The following OR2L13 variants were observed in gnomAD, a reference collection of about 807,000 sequenced individuals.
OR2L13 encodes the protein olfactory receptor 2L13.
OR2L13 carries 14 observed loss-of-function variants against 15.3 expected under a neutral mutation model. The ratio of observed to expected loss-of-function variants is 0.91; its 90% confidence interval spans 0.60 to 1.43. OR2L13 has a LOEUF of 1.43. Among genes scored for constraint, OR2L13 ranks in the 40% most tolerant of loss-of-function variants. The pLI, the probability that OR2L13 is intolerant of heterozygous loss-of-function variation, is 0.00. For missense variants in OR2L13, 367 were observed against 387.9 expected (o/e 0.95, Z 0.45); for synonymous variants, 152 against 142.9 (o/e 1.06, Z -0.45).
the OR2L13 span, among the ~76,000 whole-genome samples, chr1:248,086,162 T>A: frequency 6.6e-6 from 1 of 152,232 alleles, no homozygotes; most frequent in Non-Finnish European, 1.5e-5. Flanking sequence ...TTTTCATATA[T>A]TCAGAAGCTT....
the OR2L13 span, among the ~76,000 whole-genome samples, chr1:247,966,560 T>TA: frequency 6.6e-6 from 1 of 152,188 alleles, no homozygotes; most frequent in East Asian, 1.9e-4. Flanking sequence ...TAAAATCTAC[T>TA]TAAACATTTA....
the OR2L13 span, among the ~76,000 whole-genome samples, chr1:247,994,036 A>G: frequency 2.0e-5 from 3 of 152,120 alleles, no homozygotes; most frequent in Non-Finnish European, 4.4e-5. Context: ...ATTTTGTGGC[A>G]TGGAGCTTTC....
At chr1:247,952,228 G>A in the OR2L13 span, among the ~76,000 whole-genome samples, 1 of 152,170 alleles carries the variant, frequency 6.6e-6, no homozygotes, top group Non-Finnish European at 1.5e-5. Context: ...ATGCCCGTGA[G>A]GCCAGTCCTG....
At chr1:248,077,424 C>T in the OR2L13 span, among the ~76,000 whole-genome samples, 3 of 152,268 alleles carry the variant, frequency 2.0e-5, no homozygotes, top group African/African-American at 7.2e-5. Context: ...ATGGTACCAG[C>T]TCCTCTTTGT....
the OR2L13 span, among the ~76,000 whole-genome samples, chr1:248,067,298 A>C: frequency 6.6e-6 from 1 of 152,194 alleles, no homozygotes; most frequent in East Asian, 1.9e-4. Flanking sequence ...TAATAAACTG[A>C]TTTGTTAGAA....
chr1:248,022,994 T>G, the OR2L13 span: 1 of 1,026,234 alleles, frequency 9.7e-7, no homozygotes. Context: ...CAGAGATTAA[T>G]CCAGAATGTT....
chr1:247,972,545 C>T, the OR2L13 span, among the ~76,000 whole-genome samples: 1 of 152,266 alleles, frequency 6.6e-6, no homozygotes, highest in African/African-American at 2.4e-5. Context: ...GACACATACA[C>T]TCTCTCAAGA....
At chr1:248,003,248 G>A in the OR2L13 span, 1 of 1,566,066 alleles carries the variant, frequency 6.4e-7, no homozygotes, top group Non-Finnish European at 8.8e-7. Context: ...GGCTCTAATT[G>A]GAAACCTATC....
the OR2L13 span, among the ~76,000 whole-genome samples, chr1:247,983,838 C>T: frequency 3.9e-5 from 6 of 152,216 alleles, no homozygotes; most frequent in Admixed American, 6.5e-5. Context: ...CCAAGCTTAG[C>T]TGAGGGGAAG....
chr1:247,971,782 A>G, the OR2L13 span, among the ~76,000 whole-genome samples: 2 of 152,202 alleles, frequency 1.3e-5, no homozygotes, highest in African/African-American at 4.8e-5. Flanking sequence ...ATAGACATCT[A>G]CAGAACTCTC....
At chr1:248,039,077 C>A in the OR2L13 span, 60 of 1,613,964 alleles carry the variant, frequency 3.7e-5, no homozygotes, top group Non-Finnish European at 4.9e-5. Flanking sequence ...CAACAGAGGA[C>A]AAGATTCTGG....
intron 1 of OR2L13, among the ~76,000 whole-genome samples, chr1:248,098,209 T>C (rs1046273252): frequency 6.6e-6 from 1 of 152,222 alleles, no homozygotes. Context: ...TGTTGGTCTA[T>C]TGTTTGTATA....
chr1:248,029,890 A>G, the OR2L13 span, among the ~76,000 whole-genome samples: 1 of 152,196 alleles, frequency 6.6e-6, no homozygotes, highest in Non-Finnish European at 1.5e-5. Context: ...AAACATCTAA[A>G]TACATAATCA....
the OR2L13 span, chr1:248,023,170 G>T: frequency 4.3e-6 from 1 of 230,488 alleles, no homozygotes; most frequent in East Asian, 8.8e-5. Context: ...ATGTCCAAAG[G>T]AATCATATCA....
At chr1:248,074,384 T>TA in the OR2L13 span, among the ~76,000 whole-genome samples, 13,507 of 143,974 alleles carry the variant, frequency 0.094, 1,011 homozygotes, top group East Asian at 0.34. Flanking sequence ...TAAAATGTGT[T>TA]AAAAAAAAAA....
the OR2L13 span, among the ~76,000 whole-genome samples, chr1:248,081,632 A>T: frequency 6.6e-6 from 1 of 152,180 alleles, no homozygotes; most frequent in African/African-American, 2.4e-5. Context: ...AAATGACAGA[A>T]TTTATGCAGT....
chr1:248,061,644 A>T, the OR2L13 span: 1,396 of 1,589,572 alleles, frequency 8.8e-4, 4 homozygotes, highest in Non-Finnish European at 1.1e-3. Context: ...CTAAGGTCTC[A>T]GGACTCAGAT....
At chr1:247,985,065 C>T in the OR2L13 span, among the ~76,000 whole-genome samples, 4 of 152,132 alleles carry the variant, frequency 2.6e-5, no homozygotes, top group Non-Finnish European at 5.9e-5. Context: ...AAACTTCATT[C>T]ACTTTTACAA....
chr1:247,951,685 T>C, the OR2L13 span, among the ~76,000 whole-genome samples: 1 of 152,244 alleles, frequency 6.6e-6, no homozygotes, highest in Non-Finnish European at 1.5e-5. Context: ...TTTTATTTTG[T>C]AATAGTTTGC....
Sources: allele counts gnomAD v4.1 joint callset (sites outside exome capture counted in the v4.1 genomes callset), GRCh38; gene constraint gnomAD v4.1.1; transcripts MANE v1.5; gene names NCBI Gene and HGNC (gene_info 2026-07-23, HGNC 2026-07-21).